The following SGCD variants were observed in gnomAD, a reference collection of about 807,000 sequenced individuals.
The protein encoded by SGCD is delta-sarcoglycan.
A neutral mutation model predicts 36.6 loss-of-function variants in SGCD; 18 were observed. The observed-to-expected ratio is 0.49, with a 90% confidence interval of 0.34 to 0.73. SGCD has a LOEUF of 0.73. SGCD is among the 30% of genes least tolerant of loss of function. The pLI is 0.01. For synonymous variants in SGCD, 133 were observed against 130.6 expected, an observed-to-expected ratio of 1.02 and a Z score of -0.12; for missense variants, 387 against 346.7, an observed-to-expected ratio of 1.12 and a Z score of -0.92.
chr5:156,699,860 C>A (rs1415111987), intron 7 of SGCD, among the ~76,000 whole-genome samples: 1 of 152,122 alleles, frequency 6.6e-6, no homozygotes, highest in Non-Finnish European at 1.5e-5. Flanking sequence ...AGGGGACAAA[C>A]CCTTTTCAAT....
intron 6 of SGCD, among the ~76,000 whole-genome samples, chr5:156,614,120 T>A (rs1761937769): frequency 6.6e-6 from 1 of 152,168 alleles, no homozygotes; most frequent in South Asian, 2.1e-4. Context: ...CTAATATTTG[T>A]ATTTTTAGTA....
intron 1 of SGCD, among the ~76,000 whole-genome samples, chr5:156,094,480 T>C (rs533782650): frequency 1.3e-5 from 2 of 152,302 alleles, no homozygotes; most frequent in East Asian, 3.9e-4. Context: ...GGCATTATGG[T>C]ATTTATTCTC....
intron 3 of SGCD, among the ~76,000 whole-genome samples, chr5:156,423,277 A>ATAATATAATATAATATTG (rs1773457574): frequency 2.5e-4 from 2 of 8,014 alleles, no homozygotes; most frequent in African/African-American, 6.9e-4. Context: ...ATATAACATT[A>ATAATATAATATAATATTG]TATTATATTT....
At chr5:155,837,264 T>G in the SGCD span, among the ~76,000 whole-genome samples, 1 of 152,258 alleles carries the variant, frequency 6.6e-6, no homozygotes, top group African/African-American at 2.4e-5. Flanking sequence ...TTCAAGTGAT[T>G]CTGTTGCCTC....
intron 1 of SGCD, among the ~76,000 whole-genome samples, chr5:156,007,538 G>A (rs1020392181): frequency 6.6e-6 from 1 of 152,186 alleles, no homozygotes; most frequent in African/African-American, 2.4e-5. Context: ...ATTTTACTAA[G>A]CCTCCAGTCT....
At chr5:156,668,645 A>G (rs1184004727) in intron 7 of SGCD, among the ~76,000 whole-genome samples, 7 of 152,220 alleles carry the variant, frequency 4.6e-5, no homozygotes, top group Non-Finnish European at 2.9e-5. Context: ...GAGACCAGGG[A>G]AGGATACACA....
intron 4 of SGCD, among the ~76,000 whole-genome samples, chr5:156,565,444 A>G (rs1019025501): frequency 6.6e-6 from 1 of 152,222 alleles, no homozygotes; most frequent in African/African-American, 2.4e-5. Flanking sequence ...ATGGTCCTAC[A>G]CATGCCTATT....
chr5:156,117,658 A>G (rs527249296), intron 1 of SGCD, among the ~76,000 whole-genome samples: 2 of 152,238 alleles, frequency 1.3e-5, no homozygotes, highest in Non-Finnish European at 2.9e-5. Context: ...AGATATCACC[A>G]TGGTGTCTGT....
At chr5:155,974,801 G>C (rs1758077000) in intron 1 of SGCD, among the ~76,000 whole-genome samples, 1 of 151,854 alleles carries the variant, frequency 6.6e-6, no homozygotes, top group South Asian at 2.1e-4. Flanking sequence ...CCCTTGAAGG[G>C]ATATCCCCGT....
At chr5:156,183,384 A>G (rs1436197331) in intron 3 of SGCD, among the ~76,000 whole-genome samples, 1 of 152,196 alleles carries the variant, frequency 6.6e-6, no homozygotes, top group Non-Finnish European at 1.5e-5. Context: ...ACCTAGTCAT[A>G]ATAATACAAT....
At chr5:156,447,256 G>T in intron 3 of SGCD, among the ~76,000 whole-genome samples, 1 of 152,204 alleles carries the variant, frequency 6.6e-6, no homozygotes. Flanking sequence ...TTTCTGTACA[G>T]ATAGAACCAT....
the SGCD span, among the ~76,000 whole-genome samples, chr5:155,852,281 G>T: frequency 3.3e-5 from 5 of 152,098 alleles, no homozygotes; most frequent in Admixed American, 3.3e-4. Flanking sequence ...TGAATGAGTG[G>T]AGTGTTTAAA....
At chr5:156,631,944 T>G (rs1054536710) in intron 6 of SGCD, among the ~76,000 whole-genome samples, 1 of 152,184 alleles carries the variant, frequency 6.6e-6, no homozygotes, top group African/African-American at 2.4e-5. Context: ...ATGAATTATT[T>G]AGGGTATGTC....
At chr5:156,319,595 C>T (rs1180769749) in intron 3 of SGCD, among the ~76,000 whole-genome samples, 1 of 152,142 alleles carries the variant, frequency 6.6e-6, no homozygotes, top group Non-Finnish European at 1.5e-5. Flanking sequence ...GGAAGTGAAG[C>T]CCCAGCAGTA....
At chr5:156,002,240 A>G (rs887344968) in intron 1 of SGCD, among the ~76,000 whole-genome samples, 1 of 152,122 alleles carries the variant, frequency 6.6e-6, no homozygotes, top group Non-Finnish European at 1.5e-5. Flanking sequence ...CAGACACACA[A>G]ACACACACAG....
chr5:156,270,643 T>C (rs954334583), intron 3 of SGCD, among the ~76,000 whole-genome samples: 1 of 152,168 alleles, frequency 6.6e-6, no homozygotes, highest in East Asian at 1.9e-4. Context: ...ATGTTTTCTA[T>C]AGATAAGACT....
chr5:156,149,893 G>A (rs1190547880), intron 3 of SGCD, among the ~76,000 whole-genome samples: 1 of 152,168 alleles, frequency 6.6e-6, no homozygotes, highest in African/African-American at 2.4e-5. Context: ...GTACTGGCAG[G>A]CTTCATTCAC....
intron 1 of SGCD, among the ~76,000 whole-genome samples, chr5:156,087,594 C>T (rs568687087): frequency 3.5e-5 from 5 of 143,064 alleles, no homozygotes; most frequent in South Asian, 2.2e-4. Flanking sequence ...GAGCCGAGAT[C>T]GAGCCATTGC....
intron 7 of SGCD, among the ~76,000 whole-genome samples, chr5:156,705,423 A>C (rs111509153): frequency 6.6e-6 from 1 of 152,150 alleles, no homozygotes; most frequent in African/African-American, 2.4e-5. Flanking sequence ...AAACTTTAAC[A>C]GCCGTTGGTT....
Sources: allele counts gnomAD v4.1 joint callset (sites outside exome capture counted in the v4.1 genomes callset), GRCh38; gene constraint gnomAD v4.1.1; transcripts MANE v1.5; gene names NCBI Gene and HGNC (gene_info 2026-07-23, HGNC 2026-07-21).